Variants in MFSD2B observed in about 807,000 individuals in gnomAD.
MFSD2B encodes the protein MFSD2 lysolipid transporter B, sphingolipid.
Under a neutral mutation model 58.4 loss-of-function variants are expected in MFSD2B, and 56 were observed. The ratio of observed to expected loss-of-function variants is 0.96; its 90% CI spans 0.77 to 1.20. The LOEUF (loss-of-function observed/expected upper bound fraction) is 1.20. MFSD2B is among the 50% of genes most tolerant of loss of function. The pLI is 0.00. For synonymous variants in MFSD2B, 287 were observed against 294.4 expected, an observed-to-expected ratio of 0.97 and a Z score of 0.26; for missense variants, 645 against 667.6, an observed-to-expected ratio of 0.97 and a Z score of 0.37.
Position 24,013,428 on chromosome 2 carries a change from C to T in MFSD2B, c.222+18C>T, listed in dbSNP as rs539540772. 6.3e-7 allele frequency: 1 copy of T among 1,585,200 alleles called. No homozygotes were observed. The highest frequency in any genetic ancestry group is 8.6e-7 in the Non-Finnish European group (1 of 1,161,282). ...TAGCACAGGTAAGTGTGGGCAGTAG[C>T]CCAGTCTCTGCTGGCATCTTCCTTG... On this transcript the variant is annotated intron_variant, in intron 2 of 13. Transcript: ENST00000338315.
At position 24,017,014 on chromosome 2, in the gene MFSD2B, G is replaced by GC. The variant is rs1709173335; in HGVS notation, c.471+47dup. 15 of 1,608,676 alleles carry GC rather than the reference G, an allele frequency of 9.3e-6. No homozygotes were observed. The highest frequency in any genetic ancestry group is 1.3e-5 in the African/African-American group (1 of 74,934). ...GGCCTGTGCTCTGGCGAAGCCCATT[G>GC]CTGGCCATGGCCACTCTGAAGTGTG... On this transcript the variant is annotated intron_variant, in intron 4 of 13. Coordinates refer to ENST00000338315, the MANE Select transcript of MFSD2B (RefSeq NM_001346880.2). The surrounding 1 kb of genome is among the most constrained non-coding windows in gnomAD (Gnocchi z 4.8).
At position 24,022,908 on chromosome 2, in the gene MFSD2B, T is replaced by C. The variant is rs926276010; in HGVS notation, c.1059+6T>C. ...CGTCAGCCTTTGGGATCTTTGTGAG[T>C]GAGGCGGGAATCAAGGATTGGGGGT... On this transcript the variant is annotated splice_donor_region_variant and intron_variant, in intron 10 of 13. Coordinates refer to ENST00000338315, the MANE Select transcript of MFSD2B (RefSeq NM_001346880.2). The surrounding 1 kb of genome is among the most constrained non-coding windows in gnomAD (Gnocchi z 4.5). 1.4e-5 allele frequency: 23 copies of C among 1,606,550 alleles called. No homozygotes were observed. Among genetic ancestry groups the C allele is most frequent in the Non-Finnish European group, 1.9e-5 (22 of 1,176,944 alleles).
rs1344915831 is a variant in MFSD2B, at chr2:24,016,884, CT to C, written c.389del (p.Phe130SerfsTer41). 6.2e-7 allele frequency: 1 copy of C among 1,613,922 alleles called. No homozygotes were observed. On this transcript the variant is annotated frameshift_variant, in exon 4 of 14. Coordinates refer to ENST00000338315, the MANE Select transcript of MFSD2B (RefSeq NM_001346880.2). LOFTEE classifies it high-confidence loss of function. ...CCCCCTTCATCGCCCTGGCCTACTTCTTCCTGTGGTTCCTGCCCCCCTTCAC... is the reference window on the plus strand; with the variant it reads ...CCCCCTTCATCGCCCTGGCCTACTTCTCCTGTGGTTCCTGCCCCCCTTCAC... ...CTPFIALAYF[F>X]LWFLPPFTSL... is the part of the protein sequence containing the mutation.
In MFSD2B at chr2:24,022,984, G is replaced by A. The variant is rs559724695; in HGVS notation, c.1059+82G>A. 153 of 1,405,322 alleles carry A rather than the reference G, an allele frequency of 1.1e-4. 2 individuals are homozygous for A. In the African/African-American group the frequency reaches 1.1e-3, roughly 10 times the overall value. The allele number at this position is 1,405,322 out of a possible 1,614,324, so 87.1% of individuals were successfully genotyped here. A position where few individuals can be genotyped will look rare whatever the true frequency, so the allele number is the denominator to read the frequency against. On this transcript the variant is annotated intron_variant, in intron 10 of 13. Transcript: ENST00000338315. The surrounding 1 kb of genome is among the most constrained non-coding windows in gnomAD (Gnocchi z 4.5). Reference sequence around the variant, plus strand: ...TGACCTTGGTGCCTGAGCCTCCTGGGGCCAGCAGGGGTGGATCTGTGTTCC... The same window carrying A: ...TGACCTTGGTGCCTGAGCCTCCTGGAGCCAGCAGGGGTGGATCTGTGTTCC...
In MFSD2B at chr2:24,026,648, CAGG is replaced by C. The variant is rs1270744097; in HGVS notation, c.*1196_*1198del. 1 of 152,294 alleles carries C rather than the reference CAGG, an allele frequency of 6.6e-6. No individual in the cohort carries two copies. 9.4% of individuals were successfully genotyped at this position (152,294 alleles called of 1,614,324 possible). On this transcript the variant is annotated 3_prime_UTR_variant, in exon 14 of 14. Transcript: ENST00000338315. ...TAGGTTGGTGAACACATCCATGTAC[CAGG>C]AGGTCTACCCCACTCCACGGGGACA...
rs751837281 is a variant in MFSD2B, at chr2:24,013,395, G to C, written c.207G>C (p.Leu69=). 2 of 1,607,924 alleles carry C rather than the reference G, an allele frequency of 1.2e-6. No homozygotes were observed. Among genetic ancestry groups the C allele is most frequent in the East Asian group, 2.2e-5 (1 of 44,798 alleles). Residue 69 remains leucine, a synonymous_variant, in exon 2 of 14, where the codon CTG becomes CTC. Transcript: ENST00000338315. The part of the protein sequence containing the change: ...SATAFYLQLF[L]LDIAQIPAAQ... ...CAGCCTTTTACCTGCAGCTTTTCCT[G>C]CTTGATATAGCACAGGTAAGTGTGG...
rs1239443829 is a variant in MFSD2B, at chr2:24,024,181, G to C, written c.1400G>C (p.Cys467Ser). 1.2e-6 allele frequency: 2 copies of C among 1,613,850 alleles called. No homozygotes were observed. Among genetic ancestry groups the C allele is most frequent in the South Asian group, 2.2e-5 (2 of 91,056 alleles). The change falls in exon 13 of 14, where the codon TGC becomes TCC. Residue 467 changes from cysteine to serine, a missense_variant. Physicochemically the swap from Cys to Ser is moderately radical, Grantham distance 112 (BLOSUM62 -1). Transcript: ENST00000338315. This position sits in a 1 kb window ranked among gnomAD's most constrained non-coding sequence, Gnocchi z 4.3. The part of the protein sequence containing the change: ...LKVLIGAVPT[C>S]MILAGLCILM... ...GTCCTCATTGGCGCCGTGCCCACCT[G>C]CATGATCCTTGCTGGGCTCTGCATC...
chr2:24,017,062 C>T lies in MFSD2B; in HGVS notation c.471+94C>T. 2.0e-6 allele frequency: 3 copies of T among 1,474,302 alleles called. No homozygotes were observed. The highest frequency in any genetic ancestry group is 2.7e-6 in the Non-Finnish European group (3 of 1,098,886). The allele number at this position is 1,474,302 out of a possible 1,614,324, so 91.3% of individuals were successfully genotyped here. A position where few individuals can be genotyped will look rare whatever the true frequency, so the allele number is the denominator to read the frequency against. ...GTGCTGTGGGGGCAGGGCTGCCGCCCTCCCCACCCGCCTGTGCCTGGACCA... is the reference window on the plus strand; with the variant it reads ...GTGCTGTGGGGGCAGGGCTGCCGCCTTCCCCACCCGCCTGTGCCTGGACCA... On this transcript the variant is annotated intron_variant, in intron 4 of 13. Transcript: ENST00000338315. This position sits in a 1 kb window ranked among gnomAD's most constrained non-coding sequence, Gnocchi z 4.8.
In MFSD2B at chr2:24,025,468, G is replaced by A. The variant is rs1225125055; in HGVS notation, c.*12G>A. On this transcript the variant is annotated 3_prime_UTR_variant, in exon 14 of 14. Coordinates refer to ENST00000338315, the MANE Select transcript of MFSD2B (RefSeq NM_001346880.2). ...ACAGCCTGGCCTAAAGCTTAGGAGG[G>A]CGACTGTGAATGGACACAGGAGCCA... 1 of 1,535,826 alleles carries A rather than the reference G, an allele frequency of 6.5e-7. No individual in the cohort carries two copies. Among genetic ancestry groups the A allele is most frequent in the Non-Finnish European group, 8.7e-7 (1 of 1,146,796 alleles).
Position 24,022,613 on chromosome 2 carries a change from T to G in MFSD2B, c.978+97T>G, listed in dbSNP as rs929753968. The G allele has an allele frequency of 9.2e-7, 1 of 1,083,326 alleles. No homozygotes were observed. Among genetic ancestry groups the G allele is most frequent in the African/African-American group, 1.6e-5 (1 of 63,042 alleles). 67.1% of individuals were successfully genotyped at this position (1,083,326 alleles called of 1,614,324 possible). A position where few individuals can be genotyped will look rare whatever the true frequency, so the allele number is the denominator to read the frequency against. ...GTGACACATATGGCCAGAGTTCTGG[T>G]GGTCAACATTTTGGACTTTGCTTTG... On this transcript the variant is annotated intron_variant, in intron 9 of 13. Transcript: ENST00000338315. This position sits in a 1 kb window ranked among gnomAD's most constrained non-coding sequence, Gnocchi z 4.5.
chr2:24,021,834 G>C lies in MFSD2B; in HGVS notation c.773-15G>C, dbSNP rs368779478. The C allele has an allele frequency of 6.2e-7, 1 of 1,613,726 alleles. No individual in the cohort carries two copies. The highest frequency in any genetic ancestry group is 8.5e-7 in the Non-Finnish European group (1 of 1,179,742). ...GAACTCTGCGAAGCCAAGGTGACAC[G>C]CTTCTGCGTTGCAGACCCCTCTGCC... is the stretch of plus-strand genomic sequence containing the variant. On this transcript the variant is annotated splice_polypyrimidine_tract_variant and intron_variant, in intron 7 of 13. Coordinates refer to ENST00000338315, the MANE Select transcript of MFSD2B (RefSeq NM_001346880.2). The surrounding 1 kb of genome is among the most constrained non-coding windows in gnomAD (Gnocchi z 5.7).
chr2:24,019,468 A>G (rs1273430708), intron 6 of MFSD2B, among the ~76,000 whole-genome samples: 1 of 151,910 alleles, frequency 6.6e-6, no homozygotes, highest in East Asian at 2.0e-4. Flanking sequence ...CACGCCTGTA[A>G]TCCCAGCACT....
chr2:24,025,814 C>T lies in MFSD2B; in HGVS notation c.*358C>T. Reference sequence around the variant, plus strand: ...AGCCGGCTCACTGCAAAATCCGCCTCCCGGGTTCACGCCATTCTCCTGCCT... The same window carrying T: ...AGCCGGCTCACTGCAAAATCCGCCTTCCGGGTTCACGCCATTCTCCTGCCT... On this transcript the variant is annotated 3_prime_UTR_variant, in exon 14 of 14. Transcript: ENST00000338315. 9.0e-6 allele frequency: 2 copies of T among 222,586 alleles called. No homozygotes were observed. Among genetic ancestry groups the T allele is most frequent in the Non-Finnish European group, 8.9e-6 (1 of 112,608 alleles). 13.8% of individuals were successfully genotyped at this position (222,586 alleles called of 1,614,324 possible). A position where few individuals can be genotyped will look rare whatever the true frequency, so the allele number is the denominator to read the frequency against.
At position 24,021,841 on chromosome 2, in the gene MFSD2B, C is replaced by T. The variant is rs938635850; in HGVS notation, c.773-8C>T. The T allele has an allele frequency of 6.2e-6, 10 of 1,613,684 alleles. No homozygotes were observed. Among genetic ancestry groups the T allele is most frequent in the East Asian group, 2.2e-5 (1 of 44,886 alleles). Reference sequence around the variant, plus strand: ...GCGAAGCCAAGGTGACACGCTTCTGCGTTGCAGACCCCTCTGCCCCAGCCT... The same window carrying T: ...GCGAAGCCAAGGTGACACGCTTCTGTGTTGCAGACCCCTCTGCCCCAGCCT... On this transcript the variant is annotated splice_region_variant and splice_polypyrimidine_tract_variant and intron_variant, in intron 7 of 13. Transcript: ENST00000338315. The surrounding 1 kb of genome is among the most constrained non-coding windows in gnomAD (Gnocchi z 5.7).
intron 3 of MFSD2B, among the ~76,000 whole-genome samples, chr2:24,016,481 A>G (rs1709150276): frequency 1.3e-5 from 2 of 152,312 alleles, no homozygotes; most frequent in African/African-American, 4.8e-5. Context: ...CCCAGATGGC[A>G]CGGGGCTGGA....
rs577147505 is a variant in MFSD2B at position 24,017,458 on chromosome 2, G to C, written c.551G>C (p.Arg184Pro). Reference sequence around the variant, plus strand: ...ACCTTAAGTGGCACTCTGTCTCCAGGGATGACTGTGGAGATGGCGGGAACA... The same window carrying C: ...ACCTTAAGTGGCACTCTGTCTCCAGCGATGACTGTGGAGATGGCGGGAACA... ...PRERDSATAY[R>P]MTVEMAGTLM... is the part of the protein sequence containing the mutation. The change falls in exon 6 of 14, where the codon CGG becomes CCG. Residue 184 changes from arginine (R) to proline (P), a missense_variant and splice_region_variant. Transcript: ENST00000338315. This position sits in a 1 kb window ranked among gnomAD's most constrained non-coding sequence, Gnocchi z 4.8. 2 of 1,601,446 alleles carry C rather than the reference G, an allele frequency of 1.2e-6. No individual in the cohort carries two copies. Among genetic ancestry groups the C allele is most frequent in the Admixed American group, 3.4e-5 (2 of 58,350 alleles).
chr2:24,024,005 G>A lies in MFSD2B; in HGVS notation c.1314-90G>A. 7.7e-7 allele frequency: 1 copy of A among 1,292,038 alleles called. No homozygotes were observed. Among genetic ancestry groups the A allele is most frequent in the Non-Finnish European group, 1.1e-6 (1 of 918,166 alleles). The allele number at this position is 1,292,038 out of a possible 1,614,324, so 80.0% of individuals were successfully genotyped here. On this transcript the variant is annotated intron_variant, in intron 12 of 13. Transcript: ENST00000338315. The surrounding 1 kb of genome is among the most constrained non-coding windows in gnomAD (Gnocchi z 4.3). ...GGAAATGAAGTCCACGTTTCAGGAG[G>A]GGGTGGGGTGGGGTGAGGTGTCGAG...
chr2:24,024,300 C>A lies in MFSD2B; in HGVS notation c.1490+29C>A. The A allele has an allele frequency of 1.9e-6, 3 of 1,569,218 alleles. No individual in the cohort carries two copies. The highest frequency in any genetic ancestry group is 2.6e-6 in the Non-Finnish European group (3 of 1,159,618). ...AGCCCCGCACGCCCCCTGCAGCCAGCGAGGCACAGTGTGGGCTGCTGGGGG... is the reference window on the plus strand; with the variant it reads ...AGCCCCGCACGCCCCCTGCAGCCAGAGAGGCACAGTGTGGGCTGCTGGGGG... On this transcript the variant is annotated intron_variant, in intron 13 of 13. Transcript: ENST00000338315. The surrounding 1 kb of genome is among the most constrained non-coding windows in gnomAD (Gnocchi z 4.3).
At position 24,024,446 on chromosome 2, in the gene MFSD2B, C is replaced by A. The variant is rs1662910285; in HGVS notation, c.1490+175C>A. 6.6e-6 allele frequency among the ~76,000 whole-genome samples: 1 copy of A among 152,166 alleles called. No homozygotes were observed. The highest frequency in any genetic ancestry group is 1.5e-5 in the Non-Finnish European group (1 of 68,030). ...ATTTTCTTCTCCCACTCTGGCCACC[C>A]CTTCTCAGTCTTCTTCCTTTGATCA... On this transcript the variant is annotated intron_variant, in intron 13 of 13. Transcript: ENST00000338315. This position sits in a 1 kb window ranked among gnomAD's most constrained non-coding sequence, Gnocchi z 4.3.
Sources: gnomAD v4.1 joint callset for allele counts (sites outside exome capture counted in the v4.1 genomes callset) on GRCh38, gnomAD v4.1.1 for gene constraint, Gnocchi (gnomAD v3.1) non-coding constraint, MANE v1.5 for transcripts, NCBI Gene and HGNC (gene_info 2026-07-23, HGNC 2026-07-21) for gene names.